USH2A: variants seen among roughly 807,000 people sequenced by gnomAD.
USH2A encodes Usher syndrome 2A (autosomal recessive, mild).
A neutral mutation model predicts 538.9 loss-of-function variants in USH2A; 443 were observed. That is an observed-to-expected ratio of 0.82 (90% CI 0.76 to 0.89). The LOEUF (loss-of-function observed/expected upper bound fraction) is 0.89. Ranked by LOEUF, USH2A falls within the 40% of genes least tolerant of loss-of-function variation. The probability of loss-of-function intolerance (pLI) is 0.00; values close to 1 mark genes in which losing one functional copy is unlikely to be tolerated. For missense variants in USH2A, 6,633 were observed against 6,324.8 expected (o/e 1.05, Z -1.65); for synonymous variants, 2,413 against 2,273.5 (o/e 1.06, Z -1.75).
intron 38 of USH2A, among the ~76,000 whole-genome samples, chr1:215,904,130 G>A (rs1166866199): frequency 1.3e-5 from 2 of 151,938 alleles, no homozygotes; most frequent in African/African-American, 4.8e-5. Flanking sequence ...GATTATTTTT[G>A]TCTAATTTTT....
chr1:216,355,045 C>T (rs575960216), intron 4 of USH2A, among the ~76,000 whole-genome samples: 3 of 152,082 alleles, frequency 2.0e-5, no homozygotes, highest in South Asian at 4.1e-4. Context: ...TGGTGGCTCA[C>T]ACTTGTAATC....
intron 3 of USH2A, among the ~76,000 whole-genome samples, chr1:216,415,775 T>A (rs1413011905): frequency 1.3e-5 from 2 of 152,018 alleles, no homozygotes; most frequent in African/African-American, 4.8e-5. Flanking sequence ...ATCCGTTCAC[T>A]TCTACCTCCC....
intron 9 of USH2A, among the ~76,000 whole-genome samples, chr1:216,297,513 T>C (rs887380612): frequency 6.6e-6 from 1 of 152,046 alleles, no homozygotes; most frequent in Non-Finnish European, 1.5e-5. Context: ...AGTTATTACA[T>C]GCTCAAACCT....
intron 3 of USH2A, among the ~76,000 whole-genome samples, chr1:216,381,598 C>A (rs2038923981): frequency 6.6e-6 from 1 of 152,120 alleles, no homozygotes; most frequent in South Asian, 2.1e-4. Flanking sequence ...TTCTAGCTAC[C>A]ACTTGTAAGC....
intron 47 of USH2A, among the ~76,000 whole-genome samples, chr1:215,822,922 T>C (rs538882523): frequency 2.0e-5 from 3 of 152,166 alleles, no homozygotes; most frequent in South Asian, 4.1e-4. Flanking sequence ...ATGAAAAAAC[T>C]CTAAAATTTA....
At position 216,171,292 on chromosome 1, in the gene USH2A, C is replaced by T. The variant is rs79988204; in HGVS notation, c.4627+3960G>A. 9.8e-4 allele frequency among the ~76,000 whole-genome samples: 149 copies of T among 151,980 alleles called. No individual in the cohort carries two copies. The East Asian group carries it at 0.027, about 27-fold the overall frequency. ...AGAATTGGAATTTTAGAGGTTAGAA[C>T]ATTGATCATGCAACAAAATCCTCAA... On this transcript the variant is annotated intron_variant, in intron 21 of 71. Transcript: ENST00000307340.
intron 21 of USH2A, among the ~76,000 whole-genome samples, chr1:216,150,799 C>T (rs902316835): frequency 6.6e-5 from 10 of 152,082 alleles, no homozygotes; most frequent in Non-Finnish European, 1.5e-4. Context: ...ATGTATCTCT[C>T]GGCAAAGACC....
At chr1:216,251,442 C>CCTT (rs1553321310) in intron 11 of USH2A, among the ~76,000 whole-genome samples, 2 of 80,338 alleles carry the variant, frequency 2.5e-5, no homozygotes, top group Non-Finnish European at 4.6e-5. Context: ...ACCACTTCCC[C>CCTT]TTTTTTTTTT....
chr1:216,117,513 T>C (rs1558267153), intron 21 of USH2A, among the ~76,000 whole-genome samples: 1 of 152,130 alleles, frequency 6.6e-6, no homozygotes, highest in East Asian at 1.9e-4. Flanking sequence ...TACACATATT[T>C]GAACCTGGTT....
In USH2A at chr1:216,011,797, C is replaced by T. The variant is rs188017842; in HGVS notation, c.6326-11235G>A. On this transcript the variant is annotated intron_variant, in intron 32 of 71. Coordinates refer to ENST00000307340, the MANE Select transcript of USH2A (RefSeq NM_206933.4). ...TCCACGGCTCCTTCAGCTGTACTCA[C>T]TCTTTGTTAAGTCCCACAATTACCA... 6.0e-4 allele frequency among the ~76,000 whole-genome samples: 91 copies of T among 151,896 alleles called. No homozygotes were observed. The Middle Eastern group carries it at 0.014, about 23-fold the overall frequency.
intron 49 of USH2A, among the ~76,000 whole-genome samples, chr1:215,808,095 A>T (rs1461858668): frequency 6.6e-6 from 1 of 152,150 alleles, no homozygotes; most frequent in East Asian, 1.9e-4. Context: ...GCATCAAACC[A>T]CGGAAACACT....
intron 60 of USH2A, among the ~76,000 whole-genome samples, chr1:215,732,042 C>A (rs563177016): frequency 6.6e-6 from 1 of 152,186 alleles, no homozygotes; most frequent in Admixed American, 6.5e-5. Flanking sequence ...ACATAAAAAT[C>A]ATTGGGTAAA....
At chr1:215,742,675 T>C (rs188017166) in intron 59 of USH2A, among the ~76,000 whole-genome samples, 18 of 152,244 alleles carry the variant, frequency 1.2e-4, no homozygotes, top group African/African-American at 4.1e-4. Flanking sequence ...AAAATTTCAC[T>C]GACCACAGCC....
At position 215,790,050 on chromosome 1, in the gene USH2A, A is replaced by G. The variant is rs764985570; in HGVS notation, c.10182+9T>C. The G allele has an allele frequency of 1.2e-5, 20 of 1,612,128 alleles. No homozygotes were observed. Among genetic ancestry groups the G allele is most frequent in the Middle Eastern group, 1.6e-4 (1 of 6,078 alleles). ...AATCAGCGCCTCCGAGAGCTTTTCT[A>G]TCAATTACCTTCATCATCATTCCAG... is the stretch of plus-strand genomic sequence containing the variant. On this transcript the variant is annotated intron_variant, in intron 51 of 71. Transcript: ENST00000307340.
At chr1:216,196,330 T>C (rs1558310384) in intron 19 of USH2A, among the ~76,000 whole-genome samples, 1 of 152,140 alleles carries the variant, frequency 6.6e-6, no homozygotes. Context: ...ACAAGTCTTA[T>C]GAAATAAATT....
At chr1:216,304,427 T>C (rs2102627159) in intron 9 of USH2A, among the ~76,000 whole-genome samples, 1 of 152,172 alleles carries the variant, frequency 6.6e-6, no homozygotes, top group South Asian at 2.1e-4. Context: ...ACTTTTGCAC[T>C]TTGTGGTTTG....
intron 64 of USH2A, among the ~76,000 whole-genome samples, chr1:215,668,962 C>G (rs1185934111): frequency 6.6e-6 from 1 of 152,146 alleles, no homozygotes; most frequent in Non-Finnish European, 1.5e-5. Context: ...TTGAACCTGG[C>G]AGACAGAGGT....
chr1:215,998,101 T>C (rs1053449658), intron 34 of USH2A, among the ~76,000 whole-genome samples: 2 of 152,126 alleles, frequency 1.3e-5, no homozygotes, highest in African/African-American at 4.8e-5. Flanking sequence ...CAGAATATTT[T>C]CTATGGCATT....
chr1:215,821,829 A>T (rs1320208203), intron 47 of USH2A, among the ~76,000 whole-genome samples: 2 of 151,746 alleles, frequency 1.3e-5, no homozygotes, highest in African/African-American at 4.8e-5. Flanking sequence ...CTCTTCTATC[A>T]TTCTTCTGCA....
Sources: allele counts gnomAD v4.1 joint callset (sites outside exome capture counted in the v4.1 genomes callset), GRCh38; gene constraint gnomAD v4.1.1; transcripts MANE v1.5; gene names NCBI Gene and HGNC (gene_info 2026-07-23, HGNC 2026-07-21).